SEC31A: variants seen among roughly 807,000 people sequenced by gnomAD.
The protein encoded by SEC31A is protein transport protein Sec31A.
Under a neutral mutation model 151.0 loss-of-function variants are expected in SEC31A, and 70 were observed. The ratio of observed to expected loss-of-function variants is 0.46; its 90% CI spans 0.38 to 0.57. The LOEUF is 0.57. Among genes scored for constraint, SEC31A ranks in the 20% least tolerant of loss-of-function variants. The pLI, the probability that SEC31A is intolerant of heterozygous loss-of-function variation, is 0.00. For synonymous variants in SEC31A, 475 were observed against 505.9 expected, an observed-to-expected ratio of 0.94 and a Z score of 0.82; for missense variants, 1,330 against 1,471.2, an observed-to-expected ratio of 0.90 and a Z score of 1.57.
intron 3 of SEC31A, among the ~76,000 whole-genome samples, chr4:82,898,424 C>G (rs776320085): frequency 3.3e-5 from 5 of 152,172 alleles, no homozygotes; most frequent in Non-Finnish European, 7.3e-5. Context: ...AGAGCAGTGA[C>G]CCCTTGCGGC....
intron 11 of SEC31A, 52 bp from the exon 12 acceptor site, chr4:82,863,444 A>C: frequency 1.0e-6 from 1 of 981,404 alleles, no homozygotes; most frequent in Non-Finnish European, 1.5e-6. Flanking sequence ...TTAAAGGCCG[A>C]ATTTTTATAA....
rs139641702 is a variant in SEC31A, at chr4:82,867,249, G to A, written c.950C>T (p.Ala317Val). Residue 317 changes from alanine (A) to valine (V), a missense_variant, in exon 9 of 27, where the codon GCT becomes GTT. By Grantham distance (64) the Ala-to-Val change is moderately conservative (BLOSUM62 0). Transcript: ENST00000395310. The part of the protein sequence containing the change: ...FDIQWCPRNP[A>V]VLSAASFDGR... ...ATCAAACGAAGCAGCTGATAAGACAGCAGGATTTCGGGGACACCACTGAAT... is the reference window on the plus strand; with the variant it reads ...ATCAAACGAAGCAGCTGATAAGACAACAGGATTTCGGGGACACCACTGAAT... 12 of 1,614,004 alleles carry A rather than the reference G, an allele frequency of 7.4e-6. No individual in the cohort carries two copies. Among genetic ancestry groups the A allele is most frequent in the Non-Finnish European group, 1.0e-5 (12 of 1,179,980 alleles).
At chr4:82,834,635 C>A (rs1039405388) in intron 22 of SEC31A, among the ~76,000 whole-genome samples, 1 of 151,994 alleles carries the variant, frequency 6.6e-6, no homozygotes, top group Admixed American at 6.6e-5. Flanking sequence ...AATTAAGTAC[C>A]CCTCTCCCAA....
At chr4:82,819,390 T>C (rs938421385) in intron 26 of SEC31A, 137 bp from the exon 27 acceptor site, 1 of 603,384 alleles carries the variant, frequency 1.7e-6, no homozygotes, top group African/African-American at 1.9e-5. Context: ...ATTTAGCATT[T>C]CTAGAAAGTT....
At chr4:82,844,607 TA>T (rs544371447) in intron 20 of SEC31A, 98 bp from the exon 21 acceptor site, 61 of 1,253,108 alleles carry the variant, frequency 4.9e-5, no homozygotes, top group South Asian at 7.5e-5. Flanking sequence ...TATGTTTATT[TA>T]AAAAAAAACT....
chr4:82,855,133 G>C, intron 16 of SEC31A, 104 bp from the exon 17 acceptor site: 1 of 926,556 alleles, frequency 1.1e-6, no homozygotes, highest in Non-Finnish European at 1.5e-6. Context: ...AAATGCAGCA[G>C]CAAAATGAAG....
chr4:82,897,231 G>C (rs1720103883), intron 3 of SEC31A, among the ~76,000 whole-genome samples: 1 of 152,202 alleles, frequency 6.6e-6, no homozygotes, highest in Non-Finnish European at 1.5e-5. Context: ...TTAGGGTGTA[G>C]CTGCCCCTCC....
chr4:82,891,172 C>T (rs1719683915), upstream of SEC31A: 2 of 1,535,406 alleles, frequency 1.3e-6, no homozygotes, highest in Non-Finnish European at 1.7e-6. Context: ...CCCTCCTCCC[C>T]GGCCAGGGCC....
At chr4:82,882,057 A>T in intron 1 of SEC31A, 117 bp from the exon 2 acceptor site, 1 of 754,928 alleles carries the variant, frequency 1.3e-6, no homozygotes, top group South Asian at 1.6e-5. Context: ...GTAATGCCCA[A>T]CTGCAAATAA....
At chr4:82,888,375 A>C (rs867597659) in intron 1 of SEC31A, among the ~76,000 whole-genome samples, 6 of 3,220 alleles carry the variant, frequency 1.9e-3, no homozygotes, top group African/African-American at 7.9e-3. Context: ...AAAAAAAAAC[A>C]CACAAAAAAC....
At chr4:82,844,129 T>C (rs554122835) in intron 21 of SEC31A, 28 of 395,254 alleles carry the variant, frequency 7.1e-5, no homozygotes, top group African/African-American at 5.1e-4. Flanking sequence ...GACACTTGAT[T>C]ATCTTTAACA....
At chr4:82,858,714 ATTTTT>A (rs977436199) in intron 14 of SEC31A, among the ~76,000 whole-genome samples, 4 of 150,206 alleles carry the variant, frequency 2.7e-5, no homozygotes, top group Admixed American at 1.3e-4. Context: ...ATTTAATTTT[ATTTTT>A]TGAGACAGAG....
At chr4:82,851,305 A>G in intron 19 of SEC31A, 126 bp downstream of exon 19, 1 of 670,028 alleles carries the variant, frequency 1.5e-6, no homozygotes, top group Non-Finnish European at 2.5e-6. Flanking sequence ...ATTTACCTGC[A>G]GTCAGGTTAC....
intron 14 of SEC31A, among the ~76,000 whole-genome samples, chr4:82,859,205 G>GTA (rs1385712031): frequency 4.6e-5 from 7 of 151,950 alleles, no homozygotes; most frequent in African/African-American, 1.7e-4. Context: ...TTAAATTCAA[G>GTA]TATACATTTT....
At chr4:82,892,961 A>G (rs1719904388), upstream of SEC31A, 1 of 152,262 alleles carries the variant, frequency 6.6e-6, no homozygotes, top group Non-Finnish European at 1.5e-5. Context: ...GTTAACTACT[A>G]TCCAAGCCTA....
chr4:82,876,180 A>T (rs1578352182), intron 4 of SEC31A, among the ~76,000 whole-genome samples: 1 of 146,370 alleles, frequency 6.8e-6, no homozygotes, highest in African/African-American at 2.5e-5. Context: ...GTGCAATCTC[A>T]GCTCACCACA....
Position 82,878,928 on chromosome 4 carries a change from C to A in SEC31A, c.204G>T (p.Arg68Ser). 1 of 1,606,128 alleles carries A rather than the reference C, an allele frequency of 6.2e-7. No homozygotes were observed. The highest frequency in any genetic ancestry group is 2.2e-5 in the East Asian group (1 of 44,832). The stretch of plus-strand genomic sequence containing the variant: ...AAGGCCCCCAAATCAACTTGTGGTA[C>A]CTACAGGAGAAAATGAATAAAATCA... The part of the protein sequence containing the change: ...KSCATFSSSH[R>S]YHKLIWGPYK... The change falls in exon 4 of 27, where the codon AGG becomes AGT. Residue 68 changes from arginine to serine, a missense_variant and splice_region_variant. Physicochemically the swap from Arg to Ser is moderately radical, Grantham distance 110. Coordinates refer to ENST00000395310, the MANE Select transcript of SEC31A (RefSeq NM_001077207.4).
intron 12 of SEC31A, among the ~76,000 whole-genome samples, chr4:82,862,808 G>C (rs533290240): frequency 7.2e-4 from 110 of 152,226 alleles, no homozygotes; most frequent in African/African-American, 2.6e-3. Context: ...TTTGCCATCA[G>C]GCATGCAAGT....
intron 4 of SEC31A, among the ~76,000 whole-genome samples, chr4:82,876,721 T>C (rs1033363827): frequency 2.6e-5 from 4 of 152,196 alleles, no homozygotes; most frequent in Non-Finnish European, 5.9e-5. Context: ...AAAAAGAACC[T>C]GAAATTGTAA....
Sources: allele counts gnomAD v4.1 joint callset (sites outside exome capture counted in the v4.1 genomes callset), GRCh38; gene constraint gnomAD v4.1.1; transcripts MANE v1.5; gene names NCBI Gene and HGNC (gene_info 2026-07-23, HGNC 2026-07-21).